ERBB4: variants seen among roughly 807,000 people sequenced by gnomAD.
ERBB4 encodes the protein erb-b2 receptor tyrosine kinase 4, also known as receptor tyrosine-protein kinase erbB-4.
ERBB4 carries 42 observed loss-of-function variants against 158.0 expected under a neutral mutation model. That is an observed-to-expected ratio of 0.27 (90% CI 0.21 to 0.34). ERBB4 has a LOEUF of 0.34. Ranked by LOEUF, ERBB4 falls within the 10% of genes least tolerant of loss-of-function variation. ERBB4 has a pLI of 1.00. For missense variants in ERBB4, 1,333 were observed against 1,624.1 expected (o/e 0.82, Z 3.08); for synonymous variants, 583 against 558.7 (o/e 1.04, Z -0.61).
At chr2:211,821,751 T>G (rs1481786124) in intron 3 of ERBB4, among the ~76,000 whole-genome samples, 2 of 151,928 alleles carry the variant, frequency 1.3e-5, no homozygotes, top group Non-Finnish European at 2.9e-5. Flanking sequence ...AAATACACAT[T>G]GCAGAAAGAA....
intron 2 of ERBB4, among the ~76,000 whole-genome samples, chr2:211,989,834 CCA>C (rs370739161): frequency 2.0e-5 from 3 of 151,978 alleles, no homozygotes; most frequent in African/African-American, 7.2e-5. Flanking sequence ...CTAACTCCAC[CCA>C]TGTCTTACTT....
intron 3 of ERBB4, among the ~76,000 whole-genome samples, chr2:211,796,258 T>C (rs1253552534): frequency 6.6e-6 from 1 of 151,936 alleles, no homozygotes; most frequent in Non-Finnish European, 1.5e-5. Flanking sequence ...ACCATACGTA[T>C]TCTCTTGTGT....
intron 9 of ERBB4, among the ~76,000 whole-genome samples, chr2:211,707,845 G>T (rs1559441236): frequency 6.6e-6 from 1 of 151,998 alleles, no homozygotes; most frequent in South Asian, 2.1e-4. Context: ...TTGATGAATT[G>T]CCAGTAAATA....
At chr2:211,686,335 T>A (rs1445848101) in intron 12 of ERBB4, among the ~76,000 whole-genome samples, 3 of 152,184 alleles carry the variant, frequency 2.0e-5, no homozygotes, top group African/African-American at 4.8e-5. Flanking sequence ...AATTTTCAAA[T>A]GCTTTTTCTG....
intron 2 of ERBB4, among the ~76,000 whole-genome samples, chr2:212,049,904 C>A (rs1208961500): frequency 2.0e-5 from 3 of 152,102 alleles, no homozygotes; most frequent in Non-Finnish European, 4.4e-5. Context: ...GTCTGCACTT[C>A]ACATATCATT....
intron 3 of ERBB4, among the ~76,000 whole-genome samples, chr2:211,875,090 G>A: frequency 8.4e-6 from 1 of 118,752 alleles, no homozygotes; most frequent in Non-Finnish European, 1.7e-5. Context: ...GGAACATGCA[G>A]ATAACGTTTT....
At chr2:212,346,427 G>A (rs2089003634) in intron 1 of ERBB4, among the ~76,000 whole-genome samples, 1 of 150,524 alleles carries the variant, frequency 6.6e-6, no homozygotes, top group Admixed American at 6.6e-5. Flanking sequence ...TCTAGTTTAA[G>A]GTGACTCAAT....
intron 20 of ERBB4, among the ~76,000 whole-genome samples, chr2:211,508,149 T>G (rs888847659): frequency 4.6e-5 from 7 of 152,002 alleles, no homozygotes; most frequent in Admixed American, 4.6e-4. Flanking sequence ...CTAATCAAAC[T>G]AAAGAGCTTC....
intron 2 of ERBB4, among the ~76,000 whole-genome samples, chr2:212,078,584 A>G (rs974054843): frequency 2.0e-5 from 3 of 151,950 alleles, no homozygotes; most frequent in African/African-American, 7.2e-5. Context: ...ACATATATGT[A>G]ATTAATTTTG....
At chr2:212,313,760 G>A (rs2087149397) in intron 1 of ERBB4, among the ~76,000 whole-genome samples, 2 of 150,758 alleles carry the variant, frequency 1.3e-5, no homozygotes, top group South Asian at 2.1e-4. Flanking sequence ...AACTATCTTT[G>A]TTTCTTCATT....
chr2:211,533,551 C>A (rs552203122), intron 20 of ERBB4, among the ~76,000 whole-genome samples: 5 of 151,992 alleles, frequency 3.3e-5, no homozygotes, highest in African/African-American at 4.8e-5. Flanking sequence ...AGGCAAAAAA[C>A]CAGGATTATC....
chr2:212,463,107 C>T (rs1688658872), intron 1 of ERBB4, among the ~76,000 whole-genome samples: 1 of 151,992 alleles, frequency 6.6e-6, no homozygotes, highest in South Asian at 2.1e-4. Context: ...TGGAGAGGAT[C>T]ATGGAAGGAG....
At chr2:212,500,536 A>T (rs1297276078) in intron 1 of ERBB4, among the ~76,000 whole-genome samples, 1 of 151,862 alleles carries the variant, frequency 6.6e-6, no homozygotes, top group African/African-American at 2.4e-5. Flanking sequence ...TTGTTGACTC[A>T]CCCATTTCTT....
intron 2 of ERBB4, among the ~76,000 whole-genome samples, chr2:211,996,417 T>C (rs953323462): frequency 1.3e-5 from 2 of 152,132 alleles, no homozygotes; most frequent in African/African-American, 2.4e-5. Flanking sequence ...TTCCATCCTA[T>C]TTTAAGAATG....
chr2:211,716,233 A>T (rs974868303), intron 7 of ERBB4, among the ~76,000 whole-genome samples: 8 of 151,804 alleles, frequency 5.3e-5, no homozygotes, highest in African/African-American at 1.9e-4. Context: ...ATGGTGGCGC[A>T]TGCCTGTAAT....
intron 22 of ERBB4, 143 bp from the exon 23 acceptor site, chr2:211,424,444 T>C: frequency 1.6e-6 from 1 of 641,212 alleles, no homozygotes; most frequent in South Asian, 1.9e-5. Flanking sequence ...CATAAATTCC[T>C]GCATCCATTA....
chr2:211,478,889 T>C (rs990260986), intron 20 of ERBB4, among the ~76,000 whole-genome samples: 4 of 152,192 alleles, frequency 2.6e-5, no homozygotes, highest in African/African-American at 9.6e-5. Context: ...CAGCATAATA[T>C]TGAAACTCCT....
intron 1 of ERBB4, among the ~76,000 whole-genome samples, chr2:212,314,821 T>C (rs1453021010): frequency 1.3e-5 from 2 of 151,262 alleles, no homozygotes; most frequent in Non-Finnish European, 3.0e-5. Context: ...TGGCAAGTCA[T>C]GATAAATCAT....
chr2:211,799,814 T>C (rs1023717650), intron 3 of ERBB4, among the ~76,000 whole-genome samples: 2 of 152,184 alleles, frequency 1.3e-5, no homozygotes, highest in African/African-American at 4.8e-5. Context: ...AAGAGTTCTC[T>C]GATAAGCAGA....
Sources: gnomAD v4.1 joint callset for allele counts (sites outside exome capture counted in the v4.1 genomes callset) on GRCh38, gnomAD v4.1.1 for gene constraint, MANE v1.5 for transcripts, NCBI Gene and HGNC (gene_info 2026-07-23, HGNC 2026-07-21) for gene names.